SIPA1L2: variants seen among roughly 807,000 people sequenced by gnomAD.
SIPA1L2 encodes the protein signal induced proliferation associated 1 like 2, also known as signal-induced proliferation-associated 1-like protein 2.
Under a neutral mutation model 163.9 loss-of-function variants are expected in SIPA1L2, and 56 were observed. The ratio of observed to expected loss-of-function variants is 0.34; its 90% CI spans 0.28 to 0.43. The LOEUF is 0.43. SIPA1L2 is among the 20% of genes least tolerant of loss of function. The pLI is 1.00. For synonymous variants in SIPA1L2, 877 were observed against 865.7 expected (o/e 1.01, Z -0.23); for missense variants, 1,974 against 2,193.5 (o/e 0.90, Z 2.00).
chr1:232,621,823 G>C (rs1662827223), intron 1 of SIPA1L2, among the ~76,000 whole-genome samples: 1 of 151,836 alleles, frequency 6.6e-6, no homozygotes. Flanking sequence ...TCGAACGCCT[G>C]GGCTCAAGGG....
chr1:232,585,828 G>A lies in SIPA1L2; in HGVS notation c.-318-11606C>T, dbSNP rs1188404523. On this transcript the variant is annotated intron_variant, in intron 1 of 22. Coordinates refer to ENST00000674635, the MANE Select transcript of SIPA1L2 (RefSeq NM_020808.5). ...CAACAGCAGAAAGTCAAGATGGCAGGTTTGGTAATAACACAGCTACTGACT... is the reference window on the plus strand; with the variant it reads ...CAACAGCAGAAAGTCAAGATGGCAGATTTGGTAATAACACAGCTACTGACT... Among the ~76,000 whole-genome samples the A allele has an allele frequency of 2.0e-5, 3 of 152,178 alleles. No individual in the cohort carries two copies. In the East Asian group the frequency reaches 5.8e-4, roughly 29 times the overall value.
At chr1:232,559,859 T>C (rs1658931269) in intron 2 of SIPA1L2, among the ~76,000 whole-genome samples, 1 of 152,246 alleles carries the variant, frequency 6.6e-6, no homozygotes, top group South Asian at 2.1e-4. Flanking sequence ...TAGAGTAAGC[T>C]ACAATGTTTC....
chr1:232,582,776 T>C (rs1192046088), intron 1 of SIPA1L2, among the ~76,000 whole-genome samples: 1 of 152,194 alleles, frequency 6.6e-6, no homozygotes, highest in Non-Finnish European at 1.5e-5. Context: ...CAACAGTGTA[T>C]AAGGGTTCCC....
At chr1:232,404,761 A>G (rs1047899907) in intron 19 of SIPA1L2, among the ~76,000 whole-genome samples, 2 of 152,206 alleles carry the variant, frequency 1.3e-5, no homozygotes, top group Non-Finnish European at 2.9e-5. Context: ...AGAAATGCTG[A>G]ATGGCATGCA....
chr1:232,399,698 T>C (rs1347153630), intron 22 of SIPA1L2, among the ~76,000 whole-genome samples: 1 of 152,220 alleles, frequency 6.6e-6, no homozygotes, highest in Non-Finnish European at 1.5e-5. Context: ...AGGTCTTTCA[T>C]TCCATCAAGC....
chr1:232,427,993 T>C (rs555287722), intron 17 of SIPA1L2, among the ~76,000 whole-genome samples: 1 of 152,356 alleles, frequency 6.6e-6, no homozygotes, highest in South Asian at 2.1e-4. Flanking sequence ...GATCACTAGT[T>C]ATGTCCAGGA....
At chr1:232,408,265 C>T (rs1346719862) in intron 19 of SIPA1L2, among the ~76,000 whole-genome samples, 3 of 150,368 alleles carry the variant, frequency 2.0e-5, no homozygotes, top group Non-Finnish European at 4.4e-5. Flanking sequence ...CTTACTTTTG[C>T]CTTCTTAGAC....
At chr1:232,435,209 T>C (rs1036720478) in intron 15 of SIPA1L2, among the ~76,000 whole-genome samples, 4 of 152,190 alleles carry the variant, frequency 2.6e-5, no homozygotes, top group African/African-American at 4.8e-5. Context: ...CCAAAGCGTA[T>C]AGTTTTGAAA....
chr1:232,614,480 AAAAGAATTCCC>A (rs1483662486), intron 1 of SIPA1L2, among the ~76,000 whole-genome samples: 1 of 152,198 alleles, frequency 6.6e-6, no homozygotes, highest in African/African-American at 2.4e-5. Flanking sequence ...AAAAGATGTA[AAAAGAATTCCC>A]AAACTGCCAC....
chr1:232,472,748 T>C (rs1664863044), intron 7 of SIPA1L2, among the ~76,000 whole-genome samples: 1 of 152,214 alleles, frequency 6.6e-6, no homozygotes, highest in African/African-American at 2.4e-5. Flanking sequence ...CTTAAATTTA[T>C]TTGGCACCTA....
chr1:232,501,158 C>T (rs1449795877), intron 3 of SIPA1L2, among the ~76,000 whole-genome samples: 1 of 148,170 alleles, frequency 6.7e-6, no homozygotes, highest in Non-Finnish European at 1.5e-5. Context: ...CCCAGGTTCA[C>T]GACGTTCTCC....
chr1:232,517,579 C>T (rs1452963628), intron 2 of SIPA1L2, among the ~76,000 whole-genome samples: 1 of 152,202 alleles, frequency 6.6e-6, no homozygotes, highest in East Asian at 1.9e-4. Flanking sequence ...ACCTGACTAG[C>T]TATTATAATT....
In SIPA1L2 at chr1:232,514,201, G is replaced by A. The variant is rs1307464376; in HGVS notation, c.1139C>T (p.Pro380Leu). 6.2e-7 allele frequency: 1 copy of A among 1,614,220 alleles called. No homozygotes were observed. The change falls in exon 3 of 23, where the codon CCT (proline) becomes CTT (leucine). Residue 380 changes from proline to leucine, a missense_variant. This residue lies in a region of SIPA1L2 where 607 missense variants were observed against 624.0 expected (regional missense o/e 0.97). Coordinates refer to ENST00000674635, the MANE Select transcript of SIPA1L2 (RefSeq NM_020808.5). ...GTTGAGGTCCTCCTTGCTCCCTAAA[G>A]GGGACTCACAGTTGCCTGTCTGGCC... ...PTGQTGNCES[P>L]LGSKEDLNSK... is the part of the protein sequence containing the mutation.
chr1:232,617,979 A>G (rs1426758262), intron 1 of SIPA1L2, among the ~76,000 whole-genome samples: 1 of 152,224 alleles, frequency 6.6e-6, no homozygotes, highest in East Asian at 1.9e-4. Flanking sequence ...TGGGTAGAAG[A>G]CGGAGAGACA....
intron 15 of SIPA1L2, 99 bp from the exon 16 acceptor site, chr1:232,432,570 T>C (rs1662314703): frequency 8.7e-7 from 1 of 1,149,936 alleles, no homozygotes; most frequent in Non-Finnish European, 1.3e-6. Context: ...CAAGTCTTTC[T>C]CCGAGAGCAA....
chr1:232,547,601 G>A (rs1344349031), intron 2 of SIPA1L2, among the ~76,000 whole-genome samples: 2 of 144,848 alleles, frequency 1.4e-5, no homozygotes, highest in Non-Finnish European at 3.0e-5. Context: ...GGGGGGCAGG[G>A]TGGGGCAGAT....
intron 1 of SIPA1L2, among the ~76,000 whole-genome samples, chr1:232,628,480 A>T (rs1663197455): frequency 1.3e-5 from 2 of 152,242 alleles, no homozygotes; most frequent in African/African-American, 4.8e-5. Context: ...CAGAATGACA[A>T]AACTAACAGA....
intron 1 of SIPA1L2, among the ~76,000 whole-genome samples, chr1:232,611,764 G>A (rs748040804): frequency 6.6e-6 from 1 of 152,076 alleles, no homozygotes; most frequent in Non-Finnish European, 1.5e-5. Flanking sequence ...ATTTGCAGCC[G>A]GACAATGTGA....
At chr1:232,496,070 T>C (rs1030651155) in intron 3 of SIPA1L2, among the ~76,000 whole-genome samples, 2 of 152,224 alleles carry the variant, frequency 1.3e-5, no homozygotes, top group African/African-American at 2.4e-5. Context: ...AAGTCTGCAG[T>C]AGCATAATGT....
Sources: allele counts gnomAD v4.1 joint callset (sites outside exome capture counted in the v4.1 genomes callset), GRCh38; gene constraint gnomAD v4.1.1; regional missense constraint gnomAD v4.1.1; transcripts MANE v1.5; gene names NCBI Gene and HGNC (gene_info 2026-07-23, HGNC 2026-07-21).